The following JAK2 variants were observed in gnomAD, a reference collection of about 807,000 sequenced individuals.
The protein encoded by JAK2 is tyrosine-protein kinase JAK2.
A neutral mutation model predicts 139.3 loss-of-function variants in JAK2; 86 were observed. The observed-to-expected ratio is 0.62, with a 90% CI of 0.52 to 0.74. JAK2 has a LOEUF of 0.74. Ranked by LOEUF, JAK2 falls within the 30% of genes least tolerant of loss-of-function variation. JAK2 has a pLI of 0.00. For missense variants in JAK2, 1,421 were observed against 1,360.3 expected, an observed-to-expected ratio of 1.04 and a Z score of -0.70; for synonymous variants, 490 against 437.7, an observed-to-expected ratio of 1.12 and a Z score of -1.49.
intron 2 of JAK2, among the ~76,000 whole-genome samples, chr9:5,013,678 T>G (rs1364608624): frequency 6.6e-6 from 1 of 152,220 alleles, no homozygotes; most frequent in Non-Finnish European, 1.5e-5. Context: ...CCTTTTAAGG[T>G]CCAGCCTATG....
chr9:5,037,427 A>G (rs1462435711), intron 4 of JAK2, among the ~76,000 whole-genome samples: 3 of 152,252 alleles, frequency 2.0e-5, no homozygotes, highest in Non-Finnish European at 2.9e-5. Flanking sequence ...TTGCGGCACT[A>G]TTCACAATAA....
chr9:5,083,815 C>A (rs940285023), intron 19 of JAK2, among the ~76,000 whole-genome samples: 1 of 152,044 alleles, frequency 6.6e-6, no homozygotes, highest in Admixed American at 6.5e-5. Context: ...TGATATACTG[C>A]TTATAGAGAA....
At chr9:5,043,094 C>T (rs1816732483) in intron 4 of JAK2, among the ~76,000 whole-genome samples, 1 of 152,150 alleles carries the variant, frequency 6.6e-6, no homozygotes, top group South Asian at 2.1e-4. Context: ...GGCAAGCAGC[C>T]GCAGACAAAA....
intron 2 of JAK2, among the ~76,000 whole-genome samples, chr9:5,006,103 A>T (rs1441404642): frequency 1.3e-5 from 2 of 152,120 alleles, no homozygotes; most frequent in Non-Finnish European, 2.9e-5. Flanking sequence ...CATTTTCACG[A>T]TATTGATTCT....
At chr9:5,056,012 T>A (rs1003245448) in intron 8 of JAK2, among the ~76,000 whole-genome samples, 36 of 152,062 alleles carry the variant, frequency 2.4e-4, no homozygotes, top group African/African-American at 8.2e-4. Flanking sequence ...GTACTTTTTT[T>A]ACTCATTTTT....
chr9:5,012,029 C>G (rs902113922), intron 2 of JAK2, among the ~76,000 whole-genome samples: 3 of 152,172 alleles, frequency 2.0e-5, no homozygotes, highest in African/African-American at 7.2e-5. Context: ...TTGCCTGTCC[C>G]TGGGCTTCGA....
chr9:4,998,215 G>T (rs1021038860), intron 2 of JAK2, among the ~76,000 whole-genome samples: 3 of 151,954 alleles, frequency 2.0e-5, no homozygotes, highest in African/African-American at 7.3e-5. Context: ...GAATATGATG[G>T]TATTGAAATG....
At chr9:5,099,435 T>C (rs996952004) in intron 22 of JAK2, 1 of 152,220 alleles carries the variant, frequency 6.6e-6, no homozygotes, top group Non-Finnish European at 1.5e-5. Context: ...ACATGATCCA[T>C]TATTATCCTG....
chr9:5,126,261 C>G (rs1823988553), intron 23 of JAK2, 72 bp from the exon 24 acceptor site: 6 of 1,073,698 alleles, frequency 5.6e-6, no homozygotes, highest in African/African-American at 3.2e-5. Flanking sequence ...TTCCCATTGA[C>G]TGGAGGAAAT....
In JAK2 at chr9:5,069,999, A is replaced by T; in HGVS notation, c.1588A>T (p.Thr530Ser). ...AACCTCACCAACATTACAGAGGCCT[A>T]CTCATATGAACCAAATGGTGTTTCA... Reference protein sequence around the residue: ...VPTSPTLQRPTHMNQMVFHKI... With the variant: ...VPTSPTLQRPSHMNQMVFHKI... Residue 530 changes from threonine to serine, a missense_variant, in exon 12 of 25, where the codon ACT becomes TCT. Coordinates refer to ENST00000381652, the MANE Select transcript of JAK2 (RefSeq NM_004972.4). 1 of 1,608,078 alleles carries T rather than the reference A, an allele frequency of 6.2e-7. No individual in the cohort carries two copies. Among genetic ancestry groups the T allele is most frequent in the Non-Finnish European group, 8.5e-7 (1 of 1,175,804 alleles).
chr9:5,082,990 T>C (rs1586757463), intron 19 of JAK2, among the ~76,000 whole-genome samples: 1 of 152,352 alleles, frequency 6.6e-6, no homozygotes, highest in Non-Finnish European at 1.5e-5. Flanking sequence ...CTCTCTTTCT[T>C]TTCCCTATAA....
At chr9:5,080,412 C>A in intron 17 of JAK2, 32 bp downstream of exon 17, 2 of 1,570,730 alleles carry the variant, frequency 1.3e-6, no homozygotes, top group South Asian at 1.2e-5. Context: ...TAGAATTACT[C>A]TATCTCTGAA....
At chr9:5,086,242 G>T in intron 19 of JAK2, 1 of 572,862 alleles carries the variant, frequency 1.7e-6, no homozygotes, top group Non-Finnish European at 2.3e-6. Flanking sequence ...GAAAGTCGCG[G>T]TAGGATGGTG....
At chr9:5,009,298 C>T (rs1304806693) in intron 2 of JAK2, among the ~76,000 whole-genome samples, 1 of 152,032 alleles carries the variant, frequency 6.6e-6, no homozygotes, top group African/African-American at 2.4e-5. Flanking sequence ...AATACTGCTT[C>T]ATGATAAAGA....
chr9:5,085,357 T>G (rs771406817), intron 19 of JAK2: 5 of 900,736 alleles, frequency 5.6e-6, no homozygotes, highest in Admixed American at 1.7e-5. Flanking sequence ...TTTTCCGTAC[T>G]GATAGGTGAT....
intron 3 of JAK2, among the ~76,000 whole-genome samples, chr9:5,025,927 A>T (rs185028814): frequency 6.6e-6 from 1 of 152,338 alleles, no homozygotes; most frequent in Admixed American, 6.5e-5. Context: ...TTTCAAGTTT[A>T]TTGGCATAAT....
rs1819601524 is a variant in JAK2 at position 5,080,357 on chromosome 9, C to G, written c.2260C>G (p.Leu754Val). The G allele has an allele frequency of 6.2e-7, 1 of 1,613,466 alleles. No homozygotes were observed. The change falls in exon 17 of 25, where the codon CTA becomes GTA. Residue 754 changes from leucine to valine, a missense_variant. By Grantham distance (32) the Leu-to-Val change is conservative. Coordinates refer to ENST00000381652, the MANE Select transcript of JAK2 (RefSeq NM_004972.4). ...AATCTGCAGTGGAGGAGATAAACCT[C>G]TAAGTGCTCTGGATTCTCAAAGAGT... The part of the protein sequence containing the change: ...WEICSGGDKP[L>V]SALDSQRKLQ...
intron 2 of JAK2, among the ~76,000 whole-genome samples, chr9:5,016,537 A>G (rs1044812606): frequency 7.2e-5 from 11 of 152,248 alleles, no homozygotes; most frequent in African/African-American, 2.7e-4. Flanking sequence ...TTTTCCTGAT[A>G]AAATTTAAAA....
intron 22 of JAK2, chr9:5,114,554 C>T: frequency 2.1e-6 from 1 of 484,636 alleles, no homozygotes; most frequent in Non-Finnish European, 4.1e-6. Flanking sequence ...GCACCCTCAC[C>T]TGCCTGATCC....
Sources: allele counts gnomAD v4.1 joint callset (sites outside exome capture counted in the v4.1 genomes callset), GRCh38; gene constraint gnomAD v4.1.1; transcripts MANE v1.5; gene names NCBI Gene and HGNC (gene_info 2026-07-23, HGNC 2026-07-21).